SAMD4A: variants seen among roughly 807,000 people sequenced by gnomAD.
SAMD4A encodes protein Smaug homolog 1.
A neutral mutation model predicts 81.3 loss-of-function variants in SAMD4A; 33 were observed. The ratio of observed to expected loss-of-function variants is 0.41; its 90% CI spans 0.31 to 0.54. SAMD4A has a LOEUF of 0.54. SAMD4A is among the 20% of genes least tolerant of loss of function. The probability of loss-of-function intolerance (pLI) is 0.37; values close to 1 mark genes in which losing one functional copy is unlikely to be tolerated. For missense variants in SAMD4A, 854 were observed against 951.1 expected, an observed-to-expected ratio of 0.90 and a Z score of 1.34; for synonymous variants, 389 against 382.1, an observed-to-expected ratio of 1.02 and a Z score of -0.21.
chr14:54,658,031 G>A (rs984704780), intron 2 of SAMD4A, among the ~76,000 whole-genome samples: 68 of 152,300 alleles, frequency 4.5e-4, no homozygotes, highest in African/African-American at 9.1e-4. Flanking sequence ...GAATGTGGCC[G>A]GCCGTGGTGG....
chr14:54,635,411 A>G (rs2884570), intron 2 of SAMD4A, among the ~76,000 whole-genome samples: 100,299 of 150,848 alleles, frequency 0.66, 33,900 homozygotes, highest in East Asian at 0.88. Flanking sequence ...GACAACAAGA[A>G]TGAAACTCCA....
intron 2 of SAMD4A, among the ~76,000 whole-genome samples, chr14:54,643,869 G>A (rs1419847776): frequency 6.6e-6 from 1 of 152,184 alleles, no homozygotes; most frequent in Non-Finnish European, 1.5e-5. Context: ...TCAGCCTGGA[G>A]AACAGACGCC....
chr14:54,639,687 A>G (rs919529761), intron 2 of SAMD4A, among the ~76,000 whole-genome samples: 1 of 152,074 alleles, frequency 6.6e-6, no homozygotes, highest in Non-Finnish European at 1.5e-5. Context: ...TTGCTTTGGG[A>G]TTTCAAACAT....
Position 54,745,156 on chromosome 14 carries a change from A to T in SAMD4A, c.980-3659A>T, listed in dbSNP as rs148236465. Among the ~76,000 whole-genome samples the T allele has an allele frequency of 1.9e-4, 29 of 152,274 alleles. No homozygotes were observed. The East Asian group carries it at 5.2e-3, about 27-fold the overall frequency. On this transcript the variant is annotated intron_variant, in intron 4 of 12. Transcript: ENST00000554335. The stretch of plus-strand genomic sequence containing the variant: ...GTCACCATCCGCCAGGCCAGCCTTT[A>T]CATTGATAGCCATTGCCTTTCTAGC...
chr14:54,688,277 G>T, intron 2 of SAMD4A: 3 of 985,382 alleles, frequency 3.0e-6, no homozygotes, highest in Non-Finnish European at 3.6e-6. Flanking sequence ...TCACCAAACG[G>T]TTCTCCGGAG....
intron 3 of SAMD4A, among the ~76,000 whole-genome samples, chr14:54,715,777 G>A (rs138853355): frequency 1.4e-3 from 211 of 152,130 alleles, no homozygotes; most frequent in African/African-American, 4.8e-3. Flanking sequence ...CTAAATAAGG[G>A]GTGATCTGAT....
chr14:54,775,561 A>T (rs1277221491), intron 10 of SAMD4A, among the ~76,000 whole-genome samples: 3 of 152,128 alleles, frequency 2.0e-5, no homozygotes, highest in South Asian at 2.1e-4. Context: ...AGTCTGAGAG[A>T]GTGTGCCAGG....
At chr14:54,590,947 TAA>T in intron 2 of SAMD4A, among the ~76,000 whole-genome samples, 1 of 152,344 alleles carries the variant, frequency 6.6e-6, no homozygotes, top group East Asian at 1.9e-4. Flanking sequence ...TAGAGGAATT[TAA>T]AAGTTTTTAA....
intron 2 of SAMD4A, among the ~76,000 whole-genome samples, chr14:54,608,315 C>T (rs1385564954): frequency 6.6e-6 from 1 of 152,140 alleles, no homozygotes; most frequent in Non-Finnish European, 1.5e-5. Flanking sequence ...TCTGTGGTGT[C>T]CTGTACAAAA....
At chr14:54,733,834 A>G (rs2037621461) in intron 3 of SAMD4A, among the ~76,000 whole-genome samples, 3 of 151,874 alleles carry the variant, frequency 2.0e-5, no homozygotes, top group Admixed American at 2.0e-4. Flanking sequence ...CATAGGAAAA[A>G]AAAAAAACTT....
chr14:54,779,747 C>T (rs764716449), intron 11 of SAMD4A, among the ~76,000 whole-genome samples: 11 of 149,106 alleles, frequency 7.4e-5, no homozygotes, highest in Non-Finnish European at 1.5e-4. Flanking sequence ...GTGGCGCAAT[C>T]TCAGCTCACT....
chr14:54,723,787 CTAAT>C (rs1287339881), intron 3 of SAMD4A, among the ~76,000 whole-genome samples: 6 of 152,156 alleles, frequency 3.9e-5, no homozygotes, highest in African/African-American at 1.4e-4. Context: ...TCCCTAGCGA[CTAAT>C]ACAGTACCTA....
In SAMD4A at chr14:54,597,675, G is replaced by A. The variant is rs976369080; in HGVS notation, c.196+29563G>A. ...CATGATCATGGCTCACTGCAGCCTCGACCTCCCAGGTTCAAGCGATCCTCC... is the reference window on the plus strand; with the variant it reads ...CATGATCATGGCTCACTGCAGCCTCAACCTCCCAGGTTCAAGCGATCCTCC... On this transcript the variant is annotated intron_variant, in intron 2 of 12. Coordinates refer to ENST00000554335, the MANE Select transcript of SAMD4A (RefSeq NM_015589.6). 2.1e-5 allele frequency among the ~76,000 whole-genome samples: 3 copies of A among 140,664 alleles called. No homozygotes were observed. In the Admixed American group the frequency reaches 2.3e-4, roughly 11 times the overall value. 92.3% of individuals were successfully genotyped at this position (140,664 alleles called of 152,430 possible).
intron 2 of SAMD4A, among the ~76,000 whole-genome samples, chr14:54,678,558 T>G (rs2036050253): frequency 6.7e-6 from 1 of 149,074 alleles, no homozygotes. Flanking sequence ...ATCTTTTTTT[T>G]TTTTTTTTGA....
At chr14:54,708,806 G>T (rs8009484) in intron 3 of SAMD4A, among the ~76,000 whole-genome samples, 1 of 152,034 alleles carries the variant, frequency 6.6e-6, no homozygotes, top group African/African-American at 2.4e-5. Flanking sequence ...GATAACAGAG[G>T]TAAAACTGAG....
intron 8 of SAMD4A, among the ~76,000 whole-genome samples, chr14:54,765,346 G>C (rs544360466): frequency 6.6e-6 from 1 of 152,080 alleles, no homozygotes; most frequent in Non-Finnish European, 1.5e-5. Context: ...TAAGGGGGCC[G>C]GGGTGGTGGG....
chr14:54,598,682 A>C (rs947383619), intron 2 of SAMD4A, among the ~76,000 whole-genome samples: 3 of 152,240 alleles, frequency 2.0e-5, no homozygotes, highest in Non-Finnish European at 4.4e-5. Flanking sequence ...AAGGAAACAT[A>C]AGCTCACAGC....
intron 2 of SAMD4A, among the ~76,000 whole-genome samples, chr14:54,613,137 A>AAAGGAAGG (rs66698502): frequency 0.37 from 53,318 of 144,330 alleles, 10,296 homozygotes; most frequent in Middle Eastern, 0.46. Context: ...AGAGAGAGAG[A>AAAGGAAGG]AAGGAAGGAA....
chr14:54,575,407 A>G (rs2033259667), intron 2 of SAMD4A, among the ~76,000 whole-genome samples: 3 of 152,254 alleles, frequency 2.0e-5, no homozygotes, highest in African/African-American at 7.2e-5. Context: ...TCTTTTGCCC[A>G]CTGAACTTGC....
Sources: allele counts gnomAD v4.1 joint callset (sites outside exome capture counted in the v4.1 genomes callset), GRCh38; gene constraint gnomAD v4.1.1; transcripts MANE v1.5; gene names NCBI Gene and HGNC (gene_info 2026-07-23, HGNC 2026-07-21).